CSMD1: variants seen among roughly 807,000 people sequenced by gnomAD.
CSMD1 encodes the protein CUB and sushi domain-containing protein 1.
CSMD1 carries 213 observed loss-of-function variants against 417.5 expected under a neutral mutation model. That is an observed-to-expected ratio of 0.51 (90% CI 0.46 to 0.57). The LOEUF (loss-of-function observed/expected upper bound fraction) is 0.57. CSMD1 is among the 20% of genes least tolerant of loss of function. CSMD1 has a pLI of 0.00. For missense variants in CSMD1, 6,923 were observed against 4,529.7 expected, an observed-to-expected ratio of 1.53 and a Z score of -15.17; for synonymous variants, 2,862 against 1,736.8, an observed-to-expected ratio of 1.65 and a Z score of -16.11.
At chr8:4,661,502 C>T (rs78455034) in intron 1 of CSMD1, among the ~76,000 whole-genome samples, 4,832 of 152,108 alleles carry the variant, frequency 0.032, 119 homozygotes, top group East Asian at 0.12. Context: ...TCAGGAGGAA[C>T]GTGAATGTGA....
At chr8:3,824,042 C>A (rs1388983566) in intron 5 of CSMD1, among the ~76,000 whole-genome samples, 2 of 152,106 alleles carry the variant, frequency 1.3e-5, no homozygotes, top group Non-Finnish European at 2.9e-5. Context: ...GCCCAAAAGT[C>A]TGATATTTCA....
chr8:3,628,118 G>A (rs1033373875), intron 7 of CSMD1, among the ~76,000 whole-genome samples: 2 of 152,174 alleles, frequency 1.3e-5, no homozygotes, highest in African/African-American at 4.8e-5. Context: ...CGGCAGTGTT[G>A]CAGGATATAC....
chr8:3,864,875 T>A (rs1203862471), intron 5 of CSMD1, among the ~76,000 whole-genome samples: 1 of 152,220 alleles, frequency 6.6e-6, no homozygotes, highest in Admixed American at 6.5e-5. Flanking sequence ...AATTAAATAA[T>A]TAATTTCTTT....
At chr8:4,414,657 T>G (rs1170395922) in intron 3 of CSMD1, among the ~76,000 whole-genome samples, 2 of 152,298 alleles carry the variant, frequency 1.3e-5, no homozygotes, top group East Asian at 3.9e-4. Flanking sequence ...CAAATTCAAA[T>G]TTTTCAATAC....
At position 2,942,392 on chromosome 8, in the gene CSMD1, G is replaced by C. The variant is rs1585029695; in HGVS notation, c.10535+80C>G. Reference sequence around the variant, plus strand: ...AGTAATATAAAATACATGTGCATGTGAGCACGAGAGCATGCCCATTACTTT... The same window carrying C: ...AGTAATATAAAATACATGTGCATGTCAGCACGAGAGCATGCCCATTACTTT... On this transcript the variant is annotated intron_variant, in intron 69 of 69. Transcript: ENST00000635120. 8.4e-6 allele frequency: 10 copies of C among 1,196,234 alleles called. No homozygotes were observed. In the East Asian group the frequency reaches 2.2e-4, roughly 26 times the overall value. The allele number at this position is 1,196,234 out of a possible 1,614,324, so 74.1% of individuals were successfully genotyped here.
At chr8:3,367,271 G>C (rs368268925) in intron 19 of CSMD1, 24 bp from the exon 20 acceptor site, 15 of 1,554,288 alleles carry the variant, frequency 9.7e-6, no homozygotes, top group South Asian at 5.7e-5. Context: ...CCGGGGGAGA[G>C]AGAGAGAGAC....
At chr8:4,431,296 C>A (rs1797859431) in intron 2 of CSMD1, among the ~76,000 whole-genome samples, 1 of 152,096 alleles carries the variant, frequency 6.6e-6, no homozygotes, top group African/African-American at 2.4e-5. Context: ...TCATATCTCA[C>A]AAACTGTATT....
chr8:4,227,357 T>C (rs1714821), intron 3 of CSMD1, among the ~76,000 whole-genome samples: 79,749 of 151,890 alleles, frequency 0.53, 22,134 homozygotes, highest in Non-Finnish European at 0.63. Context: ...AAGAGGTCTA[T>C]TGTCTAACAT....
chr8:4,111,742 G>A (rs577359554), intron 3 of CSMD1, among the ~76,000 whole-genome samples: 1 of 152,066 alleles, frequency 6.6e-6, no homozygotes, highest in Non-Finnish European at 1.5e-5. Context: ...AAACAGAGAG[G>A]GCAACAACAC....
At chr8:4,247,062 A>T (rs1802758129) in intron 3 of CSMD1, among the ~76,000 whole-genome samples, 1 of 152,222 alleles carries the variant, frequency 6.6e-6, no homozygotes, top group South Asian at 2.1e-4. Flanking sequence ...AGTGAAGAAG[A>T]CATCCAAGGG....
chr8:4,769,809 G>T (rs28602848), intron 1 of CSMD1, among the ~76,000 whole-genome samples: 3,630 of 152,050 alleles, frequency 0.024, 139 homozygotes, highest in African/African-American at 0.082. Context: ...TTTTCTACTT[G>T]GCATTTTAAA....
chr8:3,588,787 G>A (rs927240433), intron 8 of CSMD1, among the ~76,000 whole-genome samples: 2 of 151,990 alleles, frequency 1.3e-5, no homozygotes, highest in Admixed American at 1.3e-4. Flanking sequence ...ACAGAGTGAA[G>A]AGACACCCTG....
chr8:3,177,441 GC>G (rs1297804650), intron 37 of CSMD1, among the ~76,000 whole-genome samples: 5 of 152,140 alleles, frequency 3.3e-5, no homozygotes, highest in Non-Finnish European at 5.9e-5. Flanking sequence ...CAGGGGTGCA[GC>G]AAAACCTGTC....
chr8:4,259,583 C>T (rs757710836), intron 3 of CSMD1, among the ~76,000 whole-genome samples: 3 of 151,780 alleles, frequency 2.0e-5, no homozygotes, highest in Non-Finnish European at 4.4e-5. Flanking sequence ...TACCGATCAA[C>T]GATTGTTTTA....
chr8:4,100,625 T>C (rs531099126), intron 3 of CSMD1, among the ~76,000 whole-genome samples: 24 of 151,788 alleles, frequency 1.6e-4, no homozygotes, highest in Non-Finnish European at 3.2e-4. Flanking sequence ...ACCGTGATAA[T>C]GGGGATAAGT....
chr8:4,013,199 T>C (rs753603491), intron 4 of CSMD1, among the ~76,000 whole-genome samples: 28 of 152,024 alleles, frequency 1.8e-4, no homozygotes, highest in Non-Finnish European at 3.5e-4. Flanking sequence ...GGCCCACTCC[T>C]ATCCTCTGGG....
chr8:3,253,472 G>C (rs1490437198), intron 26 of CSMD1, among the ~76,000 whole-genome samples: 5 of 152,132 alleles, frequency 3.3e-5, no homozygotes, highest in Admixed American at 3.3e-4. Context: ...TTTGGACTAG[G>C]TGTGGTGTGG....
intron 5 of CSMD1, among the ~76,000 whole-genome samples, chr8:3,920,091 T>G (rs909330719): frequency 1.3e-5 from 2 of 152,114 alleles, no homozygotes; most frequent in Non-Finnish European, 2.9e-5. Context: ...TAGACTGCAG[T>G]GGTGCAATCA....
At chr8:4,032,689 G>A (rs1487040256) in intron 3 of CSMD1, among the ~76,000 whole-genome samples, 2 of 152,186 alleles carry the variant, frequency 1.3e-5, no homozygotes, top group Non-Finnish European at 2.9e-5. Flanking sequence ...TTCCAGGCCA[G>A]CAGCCAGGCT....
Sources: allele counts gnomAD v4.1 joint callset (sites outside exome capture counted in the v4.1 genomes callset), GRCh38; gene constraint gnomAD v4.1.1; transcripts MANE v1.5; gene names NCBI Gene and HGNC (gene_info 2026-07-23, HGNC 2026-07-21).